The following KANK1 variants were observed in gnomAD, a reference collection of about 807,000 sequenced individuals.
The protein encoded by KANK1 is KN motif and ankyrin repeat domains 1, also known as KN motif and ankyrin repeat domain-containing protein 1.
In KANK1, 109 loss-of-function variants were observed where a neutral mutation model predicts 106.2. The observed-to-expected ratio is 1.03, with a 90% CI of 0.88 to 1.20. KANK1 has a LOEUF of 1.20. Among genes scored for constraint, KANK1 ranks in the 50% most tolerant of loss-of-function variants. The pLI, the probability that KANK1 is intolerant of heterozygous loss-of-function variation, is 0.00. For missense variants in KANK1, 2,399 were observed against 1,710.7 expected (o/e 1.40, Z -7.10); for synonymous variants, 873 against 652.2 (o/e 1.34, Z -5.16).
In KANK1 at chr9:645,217, G is replaced by C. The variant is rs555696073; in HGVS notation, c.-83-31673G>C. Among the ~76,000 whole-genome samples, 57 of 149,574 alleles carry C rather than the reference G, an allele frequency of 3.8e-4. 2 individuals are homozygous for C. The highest frequency in any genetic ancestry group is 6.6e-4 in the Admixed American group (10 of 15,148). ...GCACTTTGGGAAGCTGAGGTGGGCA[G>C]ATCGCTTAGGGTCAGGAGTTCAAGA... On this transcript the variant is annotated intron_variant, in intron 1 of 11. Transcript: ENST00000382297.
At chr9:562,049 T>C (rs545375431) in intron 1 of KANK1, among the ~76,000 whole-genome samples, 38 of 139,990 alleles carry the variant, frequency 2.7e-4, no homozygotes, top group African/African-American at 8.5e-4. Flanking sequence ...TTTCTTTTTT[T>C]TTTTTTTTTT....
intron 1 of KANK1, among the ~76,000 whole-genome samples, chr9:557,054 A>G (rs956069581): frequency 1.6e-4 from 24 of 152,178 alleles, no homozygotes; most frequent in African/African-American, 5.6e-4. Flanking sequence ...GTAGTGGCTC[A>G]TGCCTGCAAT....
chr9:734,849 G>A lies in KANK1; in HGVS notation c.3333+14G>A, dbSNP rs1833335117. On this transcript the variant is annotated intron_variant, in intron 7 of 11. Transcript: ENST00000382297. ...AGCAAAGATATGGTGAGTCTGACCTGCAAACACCATCCCCAGTGTGTACAA... is the reference window on the plus strand; with the variant it reads ...AGCAAAGATATGGTGAGTCTGACCTACAAACACCATCCCCAGTGTGTACAA... The A allele has an allele frequency of 2.5e-6, 4 of 1,584,846 alleles. No individual in the cohort carries two copies. Among genetic ancestry groups the A allele is most frequent in the Admixed American group, 1.7e-5 (1 of 59,954 alleles).
intron 1 of KANK1, among the ~76,000 whole-genome samples, chr9:640,720 G>A (rs577609762): frequency 3.7e-4 from 53 of 142,424 alleles, no homozygotes; most frequent in African/African-American, 1.4e-3. Context: ...TTTTTGAGAT[G>A]GAGTCTTGCT....
chr9:531,055 A>G (rs754889719), intron 1 of KANK1, among the ~76,000 whole-genome samples: 1 of 152,224 alleles, frequency 6.6e-6, no homozygotes, highest in Non-Finnish European at 1.5e-5. Flanking sequence ...CTAGGCTGGT[A>G]AAGGTCAGAG....
rs995255513 is a variant in KANK1, at chr9:642,012, A to T, written c.-83-34878A>T. Among the ~76,000 whole-genome samples the T allele has an allele frequency of 6.6e-5, 10 of 152,146 alleles. No individual in the cohort carries two copies. The South Asian group carries it at 2.1e-3, about 32-fold the overall frequency. ...CCCCAACCACCACACACCCCCCAGCACTAGGCAATCATTATTCTACTTTCT... is the reference window on the plus strand; with the variant it reads ...CCCCAACCACCACACACCCCCCAGCTCTAGGCAATCATTATTCTACTTTCT... On this transcript the variant is annotated intron_variant, in intron 1 of 11. Coordinates refer to ENST00000382297, the MANE Select transcript of KANK1 (RefSeq NM_015158.5).
intron 1 of KANK1, among the ~76,000 whole-genome samples, chr9:513,782 G>A (rs1263584350): frequency 1.3e-5 from 2 of 152,238 alleles, no homozygotes; most frequent in South Asian, 2.1e-4. Context: ...TTGGGAGGCC[G>A]AGGCAGGCAG....
intron 1 of KANK1, among the ~76,000 whole-genome samples, chr9:528,292 A>G (rs1226515446): frequency 6.6e-6 from 1 of 151,810 alleles, no homozygotes; most frequent in East Asian, 1.9e-4. Context: ...TTATATTTAG[A>G]TAACTTTCCC....
intron 1 of KANK1, among the ~76,000 whole-genome samples, chr9:515,139 C>G (rs1443276377): frequency 6.6e-6 from 1 of 151,530 alleles, no homozygotes; most frequent in African/African-American, 2.4e-5. Flanking sequence ...GTCAGGAGAT[C>G]AAGACCATCC....
Position 544,181 on chromosome 9 carries a change from C to T in KANK1, c.-84+39427C>T, listed in dbSNP as rs147022746. On this transcript the variant is annotated intron_variant, in intron 1 of 11. Coordinates refer to ENST00000382297, the MANE Select transcript of KANK1 (RefSeq NM_015158.5). Reference sequence around the variant, plus strand: ...GACCACAGGTGTGCACCACCATACCCGGCTAATTTTTTTATTTTTTGTAGA... The same window carrying T: ...GACCACAGGTGTGCACCACCATACCTGGCTAATTTTTTTATTTTTTGTAGA... Among the ~76,000 whole-genome samples the T allele has an allele frequency of 4.6e-5, 7 of 152,052 alleles. No individual in the cohort carries two copies. In the East Asian group the frequency reaches 9.7e-4, roughly 21 times the overall value.
At chr9:597,685 A>G (rs192434813) in intron 1 of KANK1, among the ~76,000 whole-genome samples, 1 of 150,336 alleles carries the variant, frequency 6.7e-6, no homozygotes, top group African/African-American at 2.5e-5. Context: ...TTTTTTTTAG[A>G]CAGAGTCTTG....
intron 1 of KANK1, among the ~76,000 whole-genome samples, chr9:572,408 T>C (rs1819438343): frequency 6.6e-6 from 1 of 151,952 alleles, no homozygotes; most frequent in Non-Finnish European, 1.5e-5. Flanking sequence ...AAAAATTAGC[T>C]GGGCGTGGTA....
intron 3 of KANK1, among the ~76,000 whole-genome samples, chr9:726,181 C>A (rs1359518331): frequency 1.3e-5 from 2 of 149,468 alleles, no homozygotes; most frequent in African/African-American, 2.5e-5. Context: ...AGATTCAGAT[C>A]AATTCTGGTG....
chr9:688,307 G>A lies in KANK1; in HGVS notation c.37+11298G>A, dbSNP rs557784858. Among the ~76,000 whole-genome samples the A allele has an allele frequency of 9.5e-4, 145 of 152,288 alleles. 1 individual carries two copies. The highest frequency in any genetic ancestry group is 3.5e-3 in the African/African-American group (145 of 41,546). On this transcript the variant is annotated intron_variant, in intron 2 of 11. Transcript: ENST00000382297. ...CTCTCCCTCACTTGCTCTAAGGCAGGCTTAAGATGGTGTTGTTGCTGGGTG... is the reference window on the plus strand; with the variant it reads ...CTCTCCCTCACTTGCTCTAAGGCAGACTTAAGATGGTGTTGTTGCTGGGTG...
chr9:509,123 G>A (rs909006280), intron 1 of KANK1, among the ~76,000 whole-genome samples: 39 of 151,620 alleles, frequency 2.6e-4, no homozygotes, highest in African/African-American at 8.5e-4. Flanking sequence ...TTTTGGAGGC[G>A]GAGTCTTGCT....
chr9:513,751 A>G (rs1480460475), intron 1 of KANK1, among the ~76,000 whole-genome samples: 2 of 152,174 alleles, frequency 1.3e-5, no homozygotes, highest in African/African-American at 2.4e-5. Context: ...AACAAAAGCA[A>G]TTAGAACAAA....
In KANK1 at chr9:730,227, C is replaced by T. The variant is rs1412527264; in HGVS notation, c.2875C>T (p.Gln959Ter). 1.2e-6 allele frequency: 2 copies of T among 1,614,198 alleles called. No individual in the cohort carries two copies. Among genetic ancestry groups the T allele is most frequent in the Non-Finnish European group, 1.7e-6 (2 of 1,180,030 alleles). Residue 959 changes from glutamine to a stop codon, truncating the protein, a stop_gained, in exon 4 of 12, where the codon CAG becomes TAG. Coordinates refer to ENST00000382297, the MANE Select transcript of KANK1 (RefSeq NM_015158.5). LOFTEE classifies it high-confidence loss of function. ...GTCTCCAGTGAACCTGACAGACGAC[C>T]AGATCGCCGCTGGCCTCTATGGTAA... ...TLSPVNLTDD[Q>*]IAAGLYACTN...
intron 1 of KANK1, among the ~76,000 whole-genome samples, chr9:587,508 C>G (rs78134473): frequency 1.3e-5 from 2 of 152,066 alleles, no homozygotes; most frequent in African/African-American, 2.4e-5. Flanking sequence ...ATTCAATAAA[C>G]CTAGAAAATA....
At chr9:549,232 G>C (rs974718609) in intron 1 of KANK1, 35 of 152,462 alleles carry the variant, frequency 2.3e-4, no homozygotes, top group African/African-American at 8.2e-4. Context: ...CCCCCTCCCA[G>C]AACCTTCCTG....
Sources: gnomAD v4.1 joint callset for allele counts (sites outside exome capture counted in the v4.1 genomes callset) on GRCh38, gnomAD v4.1.1 for gene constraint, MANE v1.5 for transcripts, NCBI Gene and HGNC (gene_info 2026-07-23, HGNC 2026-07-21) for gene names.